Variants in TBC1D5 observed in about 807,000 individuals in gnomAD.
TBC1D5 encodes TBC1 domain family, member 5.
TBC1D5 carries 75 observed loss-of-function variants against 100.3 expected under a neutral mutation model. The observed-to-expected ratio is 0.75, with a 90% confidence interval of 0.62 to 0.91. The LOEUF (loss-of-function observed/expected upper bound fraction) is 0.91. TBC1D5 is among the 40% of genes least tolerant of loss of function. The pLI is 0.00. For missense variants in TBC1D5, 910 were observed against 942.4 expected (o/e 0.97, Z 0.45); for synonymous variants, 323 against 325.6 (o/e 0.99, Z 0.09).
chr3:17,700,324 T>C (rs955983196), intron 1 of TBC1D5, among the ~76,000 whole-genome samples: 3 of 151,952 alleles, frequency 2.0e-5, no homozygotes, highest in Non-Finnish European at 2.9e-5. Context: ...ATACAAAAAT[T>C]AATTCAAGAT....
intron 1 of TBC1D5, among the ~76,000 whole-genome samples, chr3:17,659,599 T>C (rs1426396745): frequency 6.6e-6 from 1 of 152,146 alleles, no homozygotes; most frequent in Non-Finnish European, 1.5e-5. Context: ...CACTTTGACA[T>C]ATGAACAGCT....
intron 16 of TBC1D5, among the ~76,000 whole-genome samples, chr3:17,254,366 C>T (rs1019036710): frequency 3.3e-5 from 5 of 152,172 alleles, no homozygotes; most frequent in African/African-American, 9.7e-5. Context: ...CACATCCTTG[C>T]CAACATTTGC....
At chr3:17,468,222 T>C (rs1304174372) in intron 3 of TBC1D5, among the ~76,000 whole-genome samples, 9 of 152,130 alleles carry the variant, frequency 5.9e-5, no homozygotes, top group Non-Finnish European at 1.5e-5. Flanking sequence ...AAGGATAAAA[T>C]GATTACATTA....
chr3:17,446,795 C>A (rs561404437), intron 3 of TBC1D5, among the ~76,000 whole-genome samples: 1 of 152,052 alleles, frequency 6.6e-6, no homozygotes, highest in Admixed American at 6.6e-5. Context: ...CACGGTGAAA[C>A]CCCGTCTCTA....
At chr3:17,488,366 A>G (rs746248586) in intron 3 of TBC1D5, among the ~76,000 whole-genome samples, 9 of 152,174 alleles carry the variant, frequency 5.9e-5, no homozygotes, top group Admixed American at 2.0e-4. Context: ...GAGTTTGTTA[A>G]TCCATTATCT....
chr3:17,332,102 C>G (rs1037443261), intron 13 of TBC1D5, among the ~76,000 whole-genome samples: 5 of 152,114 alleles, frequency 3.3e-5, no homozygotes, highest in African/African-American at 9.7e-5. Flanking sequence ...AGGATGAAAA[C>G]AGGAAGACCA....
chr3:17,346,231 T>C (rs1276153528), intron 13 of TBC1D5, among the ~76,000 whole-genome samples: 1 of 152,282 alleles, frequency 6.6e-6, no homozygotes, highest in South Asian at 2.1e-4. Flanking sequence ...AACTGTGAAA[T>C]TGATCCTTTC....
chr3:17,498,744 A>G (rs1193824778), intron 3 of TBC1D5, among the ~76,000 whole-genome samples: 2 of 152,186 alleles, frequency 1.3e-5, no homozygotes, highest in African/African-American at 4.8e-5. Context: ...CCTCCTAAAG[A>G]CAAACACACA....
At chr3:17,495,372 A>G (rs898960968) in intron 3 of TBC1D5, among the ~76,000 whole-genome samples, 4 of 152,262 alleles carry the variant, frequency 2.6e-5, no homozygotes, top group African/African-American at 9.6e-5. Flanking sequence ...TAAATCAATC[A>G]AATTAGGTAA....
intron 3 of TBC1D5, among the ~76,000 whole-genome samples, chr3:17,460,938 G>A (rs968963264): frequency 6.6e-6 from 1 of 152,132 alleles, no homozygotes; most frequent in Non-Finnish European, 1.5e-5. Context: ...AAACAGAAAT[G>A]CAGTCTACGA....
chr3:17,300,748 G>T (rs562920457), intron 14 of TBC1D5, among the ~76,000 whole-genome samples: 1 of 152,140 alleles, frequency 6.6e-6, no homozygotes, highest in African/African-American at 2.4e-5. Flanking sequence ...ATTTAAAAAG[G>T]CAATAAATAT....
intron 1 of TBC1D5, among the ~76,000 whole-genome samples, chr3:17,734,174 G>T (rs149231396): frequency 2.0e-5 from 3 of 152,316 alleles, no homozygotes; most frequent in Non-Finnish European, 4.4e-5. Flanking sequence ...AGTATCTAAA[G>T]ATGGAGGACT....
intron 4 of TBC1D5, among the ~76,000 whole-genome samples, chr3:17,421,594 G>C (rs1333326034): frequency 6.6e-6 from 1 of 152,118 alleles, no homozygotes; most frequent in Non-Finnish European, 1.5e-5. Flanking sequence ...AGAAAAGAGA[G>C]AGGGAAAGAA....
intron 14 of TBC1D5, among the ~76,000 whole-genome samples, chr3:17,307,562 T>C (rs1400711125): frequency 6.6e-6 from 1 of 152,192 alleles, no homozygotes; most frequent in South Asian, 2.1e-4. Context: ...TTTAAATGTA[T>C]TTGTTTTTTT....
At chr3:17,588,713 C>T (rs1052772636) in intron 2 of TBC1D5, among the ~76,000 whole-genome samples, 2 of 152,064 alleles carry the variant, frequency 1.3e-5, no homozygotes, top group Non-Finnish European at 2.9e-5. Flanking sequence ...AATTTTAAAA[C>T]ATAAACAACA....
intron 2 of TBC1D5, among the ~76,000 whole-genome samples, chr3:17,578,912 G>A (rs188353293): frequency 1.1e-4 from 16 of 152,036 alleles, no homozygotes; most frequent in Admixed American, 7.2e-4. Flanking sequence ...CCAAAACCCT[G>A]AAATATTTTG....
chr3:17,641,830 A>T (rs1300503894), intron 1 of TBC1D5, among the ~76,000 whole-genome samples: 1 of 152,140 alleles, frequency 6.6e-6, no homozygotes, highest in Non-Finnish European at 1.5e-5. Context: ...GTAAATTTCA[A>T]ATTCTATAAA....
chr3:17,295,495 C>G (rs6803351), intron 14 of TBC1D5, among the ~76,000 whole-genome samples: 6,475 of 152,206 alleles, frequency 0.043, 223 homozygotes, highest in African/African-American at 0.091. Context: ...CTGGAGTGGT[C>G]TGAAGAGATG....
At chr3:17,658,666 C>CT (rs527840119) in intron 1 of TBC1D5, among the ~76,000 whole-genome samples, 3 of 151,036 alleles carry the variant, frequency 2.0e-5, no homozygotes, top group African/African-American at 4.9e-5. Flanking sequence ...ACAGTTATAG[C>CT]TTTTTTTTTA....
Sources: gnomAD v4.1 joint callset for allele counts (sites outside exome capture counted in the v4.1 genomes callset) on GRCh38, gnomAD v4.1.1 for gene constraint, MANE v1.5 for transcripts, NCBI Gene and HGNC (gene_info 2026-07-23, HGNC 2026-07-21) for gene names.